Variants in SLC16A3 observed in about 807,000 individuals in gnomAD.
SLC16A3 encodes monocarboxylate transporter 4.
In SLC16A3, 22 loss-of-function variants were observed where a neutral mutation model predicts 25.0. The observed-to-expected ratio is 0.88, with a 90% CI of 0.63 to 1.26. SLC16A3 has a LOEUF of 1.26. Ranked by LOEUF, SLC16A3 falls within the 50% of genes most tolerant of loss-of-function variation. The probability of loss-of-function intolerance (pLI) is 0.00; values close to 1 mark genes in which losing one functional copy is unlikely to be tolerated. For synonymous variants in SLC16A3, 390 were observed against 309.2 expected (o/e 1.26, Z -2.74); for missense variants, 731 against 666.6 (o/e 1.10, Z -1.06).
chr17:82,224,949 C>T (rs150665411), upstream of SLC16A3, among the ~76,000 whole-genome samples: 2,300 of 152,320 alleles, frequency 0.015, 61 homozygotes, highest in African/African-American at 0.052. Flanking sequence ...CCCTTTTCAC[C>T]TCTGCCCCCT....
upstream of SLC16A3, among the ~76,000 whole-genome samples, chr17:82,224,301 TG>T (rs1455454665): frequency 3.1e-4 from 9 of 28,782 alleles, no homozygotes; most frequent in South Asian, 2.4e-3. Context: ...CCCCTACACC[TG>T]TGCAGTCACC....
upstream of SLC16A3, among the ~76,000 whole-genome samples, chr17:82,223,728 G>A (rs1025715804): frequency 6.6e-6 from 1 of 152,010 alleles, no homozygotes; most frequent in Non-Finnish European, 1.5e-5. Flanking sequence ...CCACTTTACA[G>A]AGCAAGAGAC....
upstream of SLC16A3, chr17:82,228,274 T>G (rs1485405601): frequency 6.6e-6 from 1 of 152,204 alleles, no homozygotes; most frequent in Non-Finnish European, 1.5e-5. Context: ...GTCCAGCGGG[T>G]GGGCAGCCCT....
At position 82,238,723 on chromosome 17, in the gene SLC16A3, A is replaced by ATG. The variant is rs772959833; in HGVS notation, c.1145_1146insTG (p.Val383AlafsTer19). 2.5e-6 allele frequency: 4 copies of ATG among 1,611,264 alleles called. No homozygotes were observed. Among genetic ancestry groups the ATG allele is most frequent in the Non-Finnish European group, 3.4e-6 (4 of 1,179,410 alleles). ...GCAGGCAAACTCCTGGATGCGACCCACGTCTACATGTACGTGTTCATCCTG... is the reference window on the plus strand; with the variant it reads ...GCAGGCAAACTCCTGGATGCGACCCATGCGTCTACATGTACGTGTTCATCCTG... On this transcript the variant is annotated frameshift_variant, in exon 5 of 5. Transcript: ENST00000582743. LOFTEE classifies it low-confidence loss of function (END_TRUNC).
At chr17:82,238,660 C>G (rs1384984759) in intron 4 of SLC16A3, 42 bp from the exon 5 acceptor site, 9 of 1,566,456 alleles carry the variant, frequency 5.7e-6, no homozygotes, top group Non-Finnish European at 7.8e-6. Flanking sequence ...GCCCTGGGGG[C>G]AGCCCGCATG....
chr17:82,236,706 C>T, intron 2 of SLC16A3, 23 bp from the exon 3 acceptor site: 2 of 1,597,796 alleles, frequency 1.3e-6, no homozygotes, highest in Non-Finnish European at 1.7e-6. Context: ...GGCCCGGCCC[C>T]TCTCAGCTGC....
chr17:82,226,012 C>T (rs2050419470), upstream of SLC16A3, among the ~76,000 whole-genome samples: 1 of 151,984 alleles, frequency 6.6e-6, no homozygotes, highest in Non-Finnish European at 1.5e-5. Context: ...GCCCGCCCCC[C>T]TCCCACAAAG....
chr17:82,235,894 C>T (rs2050587839), intron 1 of SLC16A3, 89 bp from the exon 2 acceptor site: 3 of 851,730 alleles, frequency 3.5e-6, no homozygotes, highest in South Asian at 1.6e-5. Context: ...AGCTGAGCTG[C>T]CGGGCCACCC....
intron 3 of SLC16A3, 131 bp from the exon 4 acceptor site, chr17:82,237,007 C>A: frequency 6.8e-7 from 1 of 1,460,006 alleles, no homozygotes; most frequent in South Asian, 1.3e-5. Flanking sequence ...CGTTGTCCCC[C>A]TCTCGAGTGG....
chr17:82,235,810 C>T (rs2050586579), intron 1 of SLC16A3, 173 bp from the exon 2 acceptor site: 2 of 600,964 alleles, frequency 3.3e-6, no homozygotes, highest in African/African-American at 3.7e-5. Flanking sequence ...TGCTAGCCTC[C>T]CTCCAAACCC....
intron 1 of SLC16A3, among the ~76,000 whole-genome samples, chr17:82,220,574 C>T (rs544224775): frequency 1.0e-3 from 157 of 152,210 alleles, no homozygotes; most frequent in African/African-American, 3.4e-3. Context: ...AGTTCAAGAC[C>T]AGCCTGGCCA....
At chr17:82,226,772 G>A (rs780150687), upstream of SLC16A3, among the ~76,000 whole-genome samples, 6 of 152,106 alleles carry the variant, frequency 3.9e-5, no homozygotes, top group African/African-American at 1.4e-4. Context: ...AGAATCCTCG[G>A]AGAGGGGCCC....
chr17:82,235,990 G>T lies in SLC16A3; in HGVS notation c.-19G>T. 1.2e-6 allele frequency: 2 copies of T among 1,602,350 alleles called. No individual in the cohort carries two copies. Among genetic ancestry groups the T allele is most frequent in the East Asian group, 2.2e-5 (1 of 44,636 alleles). On this transcript the variant is annotated 5_prime_UTR_variant, in exon 2 of 5. Coordinates refer to ENST00000582743, the MANE Select transcript of SLC16A3 (RefSeq NM_004207.4). ...GCCTGCTTTCTCTCTCAGGTGAGGC[G>T]GAACCAACCCTCCTGGCCATGGGAG...
At chr17:82,227,320 G>T (rs1284915624), upstream of SLC16A3, among the ~76,000 whole-genome samples, 2 of 152,072 alleles carry the variant, frequency 1.3e-5, no homozygotes, top group Non-Finnish European at 1.5e-5. Flanking sequence ...TACGGTGGGG[G>T]TTCAGGGTTC....
chr17:82,223,688 A>AT (rs1269634077), upstream of SLC16A3, among the ~76,000 whole-genome samples: 2 of 151,848 alleles, frequency 1.3e-5, no homozygotes, highest in Non-Finnish European at 2.9e-5. Flanking sequence ...AATTGTTTGT[A>AT]TTTTTTGGTA....
At chr17:82,238,625 GAC>G in intron 4 of SLC16A3, 75 bp from the exon 5 acceptor site, 1 of 1,438,916 alleles carries the variant, frequency 6.9e-7, no homozygotes, top group Non-Finnish European at 9.3e-7. Context: ...GAGACACCGA[GAC>G]ACAGGCTTGG....
intron 1 of SLC16A3, chr17:82,229,626 C>T (rs1443198187): frequency 6.6e-6 from 1 of 152,314 alleles, no homozygotes; most frequent in African/African-American, 2.4e-5. Context: ...CAATGACTAA[C>T]AGCCCGAGAC....
chr17:82,232,086 C>G (rs184453063), intron 1 of SLC16A3: 3 of 152,302 alleles, frequency 2.0e-5, no homozygotes, highest in East Asian at 3.8e-4. Context: ...CGGCACCCCT[C>G]GGCAGCCAGG....
upstream of SLC16A3, among the ~76,000 whole-genome samples, chr17:82,226,044 A>T (rs1406487714): frequency 6.6e-6 from 1 of 150,774 alleles, no homozygotes; most frequent in Non-Finnish European, 1.5e-5. Flanking sequence ...AAAAGGTGGG[A>T]CTGCGCACCC....
Sources: gnomAD v4.1 joint callset for allele counts (sites outside exome capture counted in the v4.1 genomes callset) on GRCh38, gnomAD v4.1.1 for gene constraint, MANE v1.5 for transcripts, NCBI Gene and HGNC (gene_info 2026-07-23, HGNC 2026-07-21) for gene names.